The following SMARCC1 variants were observed in gnomAD, a reference collection of about 807,000 sequenced individuals.
The protein encoded by SMARCC1 is SWI/SNF complex subunit SMARCC1.
SMARCC1 carries 43 observed loss-of-function variants against 147.4 expected under a neutral mutation model. The observed-to-expected ratio is 0.29, with a 90% CI of 0.23 to 0.38. SMARCC1 has a LOEUF of 0.38. SMARCC1 is among the 10% of genes least tolerant of loss of function. SMARCC1 has a pLI of 1.00. For synonymous variants in SMARCC1, 495 were observed against 484.4 expected (o/e 1.02, Z -0.29); for missense variants, 1,119 against 1,381.1 (o/e 0.81, Z 3.01).
chr3:47,674,480 T>C (rs1240219224), intron 18 of SMARCC1, among the ~76,000 whole-genome samples: 1 of 152,268 alleles, frequency 6.6e-6, no homozygotes, highest in East Asian at 1.9e-4. Flanking sequence ...TCATTTTTGT[T>C]GAAAAGTCAG....
At chr3:47,720,529 TA>T (rs1405264350) in intron 7 of SMARCC1, 136 bp downstream of exon 7, 4 of 661,206 alleles carry the variant, frequency 6.0e-6, no homozygotes, top group Non-Finnish European at 1.0e-5. Context: ...AAACAGTCAA[TA>T]AAAGACTCCA....
At chr3:47,731,035 C>T (rs1227702663) in intron 5 of SMARCC1, among the ~76,000 whole-genome samples, 1 of 152,138 alleles carries the variant, frequency 6.6e-6, no homozygotes, top group Non-Finnish European at 1.5e-5. Context: ...AAGTTTGTCA[C>T]ATTGATTGAC....
At chr3:47,595,860 G>A (rs186923953) in intron 26 of SMARCC1, among the ~76,000 whole-genome samples, 1,517 of 150,578 alleles carry the variant, frequency 0.01, 11 homozygotes, top group Middle Eastern at 0.038. Context: ...TCAGCCTCCC[G>A]AATAGCTGAA....
chr3:47,703,986 G>A (rs2033959371), intron 10 of SMARCC1, among the ~76,000 whole-genome samples: 1 of 152,056 alleles, frequency 6.6e-6, no homozygotes, highest in Admixed American at 6.6e-5. Flanking sequence ...TTTTAGTAGA[G>A]ACAGCGTTTC....
In SMARCC1 at chr3:47,697,621, G is replaced by GA. The variant is rs71070212; in HGVS notation, c.1165+3656dup. Among the ~76,000 whole-genome samples the GA allele has an allele frequency of 5.9e-3, 782 of 131,930 alleles. 4 individuals carry two copies. Among genetic ancestry groups the GA allele is most frequent in the Middle Eastern group, 0.031 (8 of 256 alleles). The allele number at this position is 131,930 out of a possible 152,430, so 86.6% of individuals were successfully genotyped here. A position where few individuals can be genotyped will look rare whatever the true frequency, so the allele number is the denominator to read the frequency against. On this transcript the variant is annotated intron_variant, in intron 11 of 27. Transcript: ENST00000254480. ...CTGGCCTTGACCCTGACTCTTAAGGGAAAAAAAAAAAAAAATTCCAAACTC... is the reference window on the plus strand; with the variant it reads ...CTGGCCTTGACCCTGACTCTTAAGGGAAAAAAAAAAAAAAAATTCCAAACTC...
In SMARCC1 at chr3:47,706,405, T is replaced by C; in HGVS notation, c.1040+4A>G. The C allele has an allele frequency of 1.3e-6, 2 of 1,560,298 alleles. No homozygotes were observed. Among genetic ancestry groups the C allele is most frequent in the East Asian group, 2.4e-5 (1 of 41,280 alleles). The stretch of plus-strand genomic sequence containing the variant: ...TGCCCTTTGAATCATGTAATAGTTC[T>C]TACCCTTTCTTCCCACTCTTCTTCC... On this transcript the variant is annotated splice_donor_region_variant and intron_variant, in intron 10 of 27. Coordinates refer to ENST00000254480, the MANE Select transcript of SMARCC1 (RefSeq NM_003074.4).
At chr3:47,680,843 G>A (rs541536919) in intron 14 of SMARCC1, among the ~76,000 whole-genome samples, 5 of 152,118 alleles carry the variant, frequency 3.3e-5, no homozygotes, top group African/African-American at 9.6e-5. Flanking sequence ...CACCGCGCCC[G>A]GCCGGAGTGT....
Position 47,638,747 on chromosome 3 carries a change from G to T in SMARCC1, c.2354C>A (p.Pro785His), listed in dbSNP as rs1258635101. Reference protein sequence around the residue: ...GAEEEKMEADPDGQQPEKAEN... With the variant: ...GAEEEKMEADHDGQQPEKAEN... ...TACCTTTTCAGGCTGCTGACCATCA[G>T]GGTCGGCTTCCATTTTTTCCTCTTC... is the stretch of plus-strand genomic sequence containing the variant. The change falls in exon 22 of 28, where the codon CCT (proline) becomes CAT (histidine). Residue 785 changes from proline (P) to histidine (H), a missense_variant. By Grantham distance (77) the Pro-to-His change is moderately conservative. Coordinates refer to ENST00000254480, the MANE Select transcript of SMARCC1 (RefSeq NM_003074.4). 1.2e-6 allele frequency: 2 copies of T among 1,613,508 alleles called. No individual in the cohort carries two copies. The highest frequency in any genetic ancestry group is 1.7e-6 in the Non-Finnish European group (2 of 1,179,446).
chr3:47,718,114 G>T (rs1051849041), intron 7 of SMARCC1, among the ~76,000 whole-genome samples: 1 of 142,746 alleles, frequency 7.0e-6, no homozygotes, highest in African/African-American at 2.6e-5. Flanking sequence ...ACTGCAGCCT[G>T]GGTAACAGAG....
intron 26 of SMARCC1, among the ~76,000 whole-genome samples, chr3:47,597,345 T>A (rs2032302032): frequency 1.3e-5 from 2 of 152,128 alleles, no homozygotes; most frequent in Admixed American, 6.6e-5. Flanking sequence ...TTTTATTTTT[T>A]ATTTTTTAAT....
chr3:47,631,330 A>G (rs755506540), intron 24 of SMARCC1, among the ~76,000 whole-genome samples: 4 of 152,242 alleles, frequency 2.6e-5, no homozygotes, highest in Non-Finnish European at 5.9e-5. Flanking sequence ...GGTGGTTTGT[A>G]GAATAAATTC....
At chr3:47,720,757 C>T in intron 6 of SMARCC1, 22 bp from the exon 7 acceptor site, 2 of 1,538,262 alleles carry the variant, frequency 1.3e-6, no homozygotes, top group Non-Finnish European at 1.8e-6. Flanking sequence ...AAAGAAACAA[C>T]TTTACTCAAA....
chr3:47,779,969 T>G (rs1372325363), intron 1 of SMARCC1, among the ~76,000 whole-genome samples: 1 of 152,112 alleles, frequency 6.6e-6, no homozygotes, highest in Non-Finnish European at 1.5e-5. Flanking sequence ...GACCAATTTA[T>G]CACTGTGTAA....
chr3:47,747,440 A>AAAATATAAATATAAATAAAATATAAATAT (rs2034576757), intron 2 of SMARCC1, among the ~76,000 whole-genome samples: 1 of 120,858 alleles, frequency 8.3e-6, no homozygotes, highest in Admixed American at 9.5e-5. Context: ...TTGTCTCAAA[A>AAAATATAAATATAAATAAAATATAAATAT]AAATATAAAT....
intron 10 of SMARCC1, among the ~76,000 whole-genome samples, chr3:47,703,207 T>C (rs567600877): frequency 5.8e-4 from 89 of 152,324 alleles, no homozygotes; most frequent in Non-Finnish European, 7.5e-4. Context: ...GTGCTAGGAT[T>C]ACAGGCATGG....
At chr3:47,672,878 A>G (rs991989795) in intron 18 of SMARCC1, among the ~76,000 whole-genome samples, 3 of 152,032 alleles carry the variant, frequency 2.0e-5, no homozygotes, top group African/African-American at 7.2e-5. Context: ...TCCTGGGTTC[A>G]AGCGACTCTC....
intron 11 of SMARCC1, among the ~76,000 whole-genome samples, chr3:47,695,309 T>A (rs569063894): frequency 6.6e-6 from 1 of 152,330 alleles, no homozygotes; most frequent in African/African-American, 2.4e-5. Flanking sequence ...TATTCCAGTC[T>A]GGGTGACAAT....
At chr3:47,628,008 C>A (rs1426604333) in intron 24 of SMARCC1, among the ~76,000 whole-genome samples, 1 of 152,086 alleles carries the variant, frequency 6.6e-6, no homozygotes, top group Non-Finnish European at 1.5e-5. Flanking sequence ...CGGTGTGAGC[C>A]ACTGTGCTGG....
chr3:47,619,951 C>T (rs1454886318), intron 25 of SMARCC1, among the ~76,000 whole-genome samples: 10 of 152,176 alleles, frequency 6.6e-5, no homozygotes, highest in Admixed American at 6.5e-4. Flanking sequence ...CACTAAGAAA[C>T]ACTTTAAATA....
Sources: allele counts gnomAD v4.1 joint callset (sites outside exome capture counted in the v4.1 genomes callset), GRCh38; gene constraint gnomAD v4.1.1; transcripts MANE v1.5; gene names NCBI Gene and HGNC (gene_info 2026-07-23, HGNC 2026-07-21).